The following CCDC83 variants were observed in gnomAD, a reference collection of about 807,000 sequenced individuals.
CCDC83 encodes coiled-coil domain containing 83.
A neutral mutation model predicts 50.1 loss-of-function variants in CCDC83; 54 were observed. The ratio of observed to expected loss-of-function variants is 1.08; its 90% CI spans 0.87 to 1.35. CCDC83 has a LOEUF of 1.35. Ranked by LOEUF, CCDC83 falls within the 40% of genes most tolerant of loss-of-function variation. The pLI, the probability that CCDC83 is intolerant of heterozygous loss-of-function variation, is 0.00. For synonymous variants in CCDC83, 161 were observed against 153.3 expected, an observed-to-expected ratio of 1.05 and a Z score of -0.37; for missense variants, 518 against 473.9, an observed-to-expected ratio of 1.09 and a Z score of -0.86.
In CCDC83 at chr11:85,916,151, T is replaced by C. The variant is rs200631949; in HGVS notation, c.998T>C (p.Ile333Thr). 326 of 1,613,434 alleles carry C rather than the reference T, an allele frequency of 2.0e-4. No homozygotes were observed. The highest frequency in any genetic ancestry group is 2.6e-4 in the Non-Finnish European group (312 of 1,179,528). The stretch of plus-strand genomic sequence containing the variant: ...ATCGAAGATCTCCAGTATGTGAAGA[T>C]AGATAAAGAGGAAAACTCAGGCACA... The part of the protein sequence containing the change: ...NSIEDLQYVK[I>T]DKEENSGTEF... Residue 333 changes from isoleucine (I) to threonine (T), a missense_variant, in exon 10 of 11, where the codon ATA (isoleucine) becomes ACA (threonine). Coordinates refer to ENST00000342404, the MANE Select transcript of CCDC83 (RefSeq NM_001286159.2).
chr11:85,903,094 G>A (rs571145896), intron 7 of CCDC83, among the ~76,000 whole-genome samples: 30 of 151,926 alleles, frequency 2.0e-4, no homozygotes, highest in African/African-American at 6.5e-4. Flanking sequence ...TTAGCTAGAC[G>A]TGGTTGTGGG....
At chr11:85,856,419 AT>A (rs1466042335) in intron 1 of CCDC83, among the ~76,000 whole-genome samples, 1 of 151,992 alleles carries the variant, frequency 6.6e-6, no homozygotes, top group Non-Finnish European at 1.5e-5. Flanking sequence ...TTTCATAGTT[AT>A]TTTTCTTTTC....
chr11:85,911,399 C>A lies in CCDC83; in HGVS notation c.791C>A (p.Pro264His), dbSNP rs747360405. Residue 264 changes from proline (P) to histidine (H), a missense_variant, in exon 8 of 11, where the codon CCC (proline) becomes CAC (histidine). Pro to His is a moderately conservative substitution (Grantham distance 77, BLOSUM62 -2). Coordinates refer to ENST00000342404, the MANE Select transcript of CCDC83 (RefSeq NM_001286159.2). The part of the protein sequence containing the change: ...SNCRLVDLKI[P>H]RRLYLTQAAG... ...TGTAGACTTGTGGATCTCAAGATAC[C>A]CAGGTGAAAATTGTTAATATATAGA... 6.3e-7 allele frequency: 1 copy of A among 1,581,188 alleles called. No individual in the cohort carries two copies. Among genetic ancestry groups the A allele is most frequent in the Non-Finnish European group, 8.6e-7 (1 of 1,166,000 alleles).
chr11:85,894,879 A>G (rs1213629026), intron 5 of CCDC83, among the ~76,000 whole-genome samples: 1 of 152,224 alleles, frequency 6.6e-6, no homozygotes, highest in Non-Finnish European at 1.5e-5. Flanking sequence ...ATCTCTAAGC[A>G]TCTTTCAAGG....
chr11:85,880,297 T>A (rs2093292889), intron 3 of CCDC83, among the ~76,000 whole-genome samples: 1 of 152,182 alleles, frequency 6.6e-6, no homozygotes, highest in Non-Finnish European at 1.5e-5. Flanking sequence ...TTAATTAATT[T>A]ATTTATTGAG....
At chr11:85,917,278 AGAAGGAAG>A (rs1309940460) in intron 10 of CCDC83, among the ~76,000 whole-genome samples, 2 of 77,714 alleles carry the variant, frequency 2.6e-5, no homozygotes, top group Non-Finnish European at 6.2e-5. Flanking sequence ...AAGGAAGGAA[AGAAGGAAG>A]GAAAGAAAGA....
chr11:85,881,582 C>T (rs1452257772), intron 3 of CCDC83, among the ~76,000 whole-genome samples: 1 of 151,976 alleles, frequency 6.6e-6, no homozygotes, highest in Non-Finnish European at 1.5e-5. Context: ...CCATGCCTGA[C>T]TAAATTTTAA....
intron 3 of CCDC83, among the ~76,000 whole-genome samples, chr11:85,873,909 C>T (rs1057023100): frequency 1.3e-5 from 2 of 152,178 alleles, no homozygotes; most frequent in Non-Finnish European, 2.9e-5. Context: ...AGAGTGCCCC[C>T]TTTTAACACA....
At position 85,916,209 on chromosome 11, in the gene CCDC83, A is replaced by G. The variant is rs1186900297; in HGVS notation, c.1056A>G (p.Leu352=). The stretch of plus-strand genomic sequence containing the variant: ...GGGACACTGATATGAAGTACTTACT[A>G]TATGAGGATGAGAAGGATTTCAAGG... ...EFGDTDMKYL[L]YEDEKDFKDY... is the part of the protein sequence containing the mutation. Residue 352 remains leucine, a synonymous_variant, in exon 10 of 11, where the codon CTA becomes CTG. Coordinates refer to ENST00000342404, the MANE Select transcript of CCDC83 (RefSeq NM_001286159.2). 2 of 1,610,244 alleles carry G rather than the reference A, an allele frequency of 1.2e-6. No individual in the cohort carries two copies. The highest frequency in any genetic ancestry group is 1.1e-5 in the South Asian group (1 of 90,122).
intron 3 of CCDC83, among the ~76,000 whole-genome samples, chr11:85,878,422 G>A (rs980989974): frequency 6.6e-6 from 1 of 152,180 alleles, no homozygotes; most frequent in African/African-American, 2.4e-5. Context: ...TTATACAAAT[G>A]GAATCATACA....
intron 4 of CCDC83, among the ~76,000 whole-genome samples, chr11:85,884,649 TAAAC>T (rs777500071): frequency 6.6e-6 from 1 of 152,146 alleles, no homozygotes; most frequent in Admixed American, 6.6e-5. Flanking sequence ...GATCTCAGCT[TAAAC>T]AAACAAACAA....
At chr11:85,858,427 C>T (rs1253678104) in intron 1 of CCDC83, among the ~76,000 whole-genome samples, 1 of 152,184 alleles carries the variant, frequency 6.6e-6, no homozygotes, top group Admixed American at 6.5e-5. Context: ...TTGTCCAGGC[C>T]CTGCCTCTCC....
At position 85,898,963 on chromosome 11, in the gene CCDC83, T is replaced by C. The variant is rs2093387820; in HGVS notation, c.620T>C (p.Ile207Thr). 6.2e-7 allele frequency: 1 copy of C among 1,612,180 alleles called. No homozygotes were observed. Among genetic ancestry groups the C allele is most frequent in the East Asian group, 2.2e-5 (1 of 44,792 alleles). The change falls in exon 7 of 11, where the codon ATT (isoleucine) becomes ACT (threonine). Residue 207 changes from isoleucine to threonine, a missense_variant. Physicochemically the swap from Ile to Thr is moderately conservative, Grantham distance 89. Transcript: ENST00000342404. ...EWATQNAVKL[I>T]DKGSYLEIWE... ...TTCTTTTAGAATGCTGTAAAGCTCA[T>C]TGACAAGGGCAGTTATCTAGAGATC...
chr11:85,902,312 A>T (rs2093406043), intron 7 of CCDC83, among the ~76,000 whole-genome samples: 1 of 152,216 alleles, frequency 6.6e-6, no homozygotes, highest in South Asian at 2.1e-4. Flanking sequence ...GGACAAATAA[A>T]GCTATTTTCA....
intron 7 of CCDC83, among the ~76,000 whole-genome samples, chr11:85,901,573 AAAAAT>A (rs60832149): frequency 7.7e-5 from 11 of 143,670 alleles, no homozygotes; most frequent in South Asian, 2.2e-4. Flanking sequence ...ACTCTGTCTC[AAAAAT>A]AAAATAAAAT....
intron 2 of CCDC83, among the ~76,000 whole-genome samples, chr11:85,869,346 C>T (rs1166360066): frequency 2.0e-5 from 3 of 152,232 alleles, no homozygotes; most frequent in Non-Finnish European, 4.4e-5. Flanking sequence ...CTCTAAGTAA[C>T]GGTAGTTTTT....
intron 3 of CCDC83, 101 bp from the exon 4 acceptor site, chr11:85,882,412 T>C: frequency 8.7e-7 from 1 of 1,151,880 alleles, no homozygotes; most frequent in South Asian, 1.5e-5. Context: ...CCCACTTGCC[T>C]TCCTGTGATA....
At chr11:85,857,748 C>T (rs561943516) in intron 1 of CCDC83, among the ~76,000 whole-genome samples, 15 of 152,230 alleles carry the variant, frequency 9.9e-5, no homozygotes, top group Admixed American at 3.3e-4. Flanking sequence ...CAGGCTGTGG[C>T]GACATGGGCA....
At chr11:85,861,916 G>A (rs1002405) in intron 1 of CCDC83, among the ~76,000 whole-genome samples, 2,014 of 150,964 alleles carry the variant, frequency 0.013, 19 homozygotes, top group African/African-American at 0.028. Context: ...GGTGATGTGG[G>A]AGGATGACTT....
Sources: allele counts gnomAD v4.1 joint callset (sites outside exome capture counted in the v4.1 genomes callset), GRCh38; gene constraint gnomAD v4.1.1; transcripts MANE v1.5; gene names NCBI Gene and HGNC (gene_info 2026-07-23, HGNC 2026-07-21).